The following CEP192 variants were observed in gnomAD, a reference collection of about 807,000 sequenced individuals.
The protein encoded by CEP192 is centrosomal protein 192.
CEP192 carries 151 observed loss-of-function variants against 271.8 expected under a neutral mutation model. The ratio of observed to expected loss-of-function variants is 0.56; its 90% CI spans 0.49 to 0.64. The LOEUF (loss-of-function observed/expected upper bound fraction) is 0.64. CEP192 is among the 30% of genes least tolerant of loss of function. The probability of loss-of-function intolerance (pLI) is 0.00; values close to 1 mark genes in which losing one functional copy is unlikely to be tolerated. For synonymous variants in CEP192, 995 were observed against 1,076.5 expected (o/e 0.92, Z 1.48); for missense variants, 2,910 against 3,020.5 (o/e 0.96, Z 0.86).
chr18:13,072,896 A>G (rs776086227), intron 29 of CEP192, 51 bp downstream of exon 29: 1 of 1,532,448 alleles, frequency 6.5e-7, no homozygotes, highest in East Asian at 2.3e-5. Flanking sequence ...GGTCTGGAAC[A>G]CTTGCATATG....
Position 13,089,439 on chromosome 18 carries a change from A to G in CEP192, c.5994-17A>G, listed in dbSNP as rs1330800141. ...TAACGTCACTTTTAAATAATAAAAA[A>G]AAATCTCTCCTGGCAGGGCCCTGTT... is the stretch of plus-strand genomic sequence containing the variant. On this transcript the variant is annotated splice_polypyrimidine_tract_variant and intron_variant, in intron 32 of 44. Coordinates refer to ENST00000506447, the MANE Select transcript of CEP192 (RefSeq NM_032142.4). 7.6e-7 allele frequency: 1 copy of G among 1,316,520 alleles called. No homozygotes were observed. Among genetic ancestry groups the G allele is most frequent in the Non-Finnish European group, 1.1e-6 (1 of 946,280 alleles). 81.6% of individuals were successfully genotyped at this position (1,316,520 alleles called of 1,614,324 possible).
intron 18 of CEP192, among the ~76,000 whole-genome samples, chr18:13,055,148 G>A (rs549170521): frequency 7.6e-4 from 115 of 151,986 alleles, no homozygotes; most frequent in African/African-American, 2.7e-3. Context: ...GCATGATAGC[G>A]GGTGCCTGTA....
chr18:13,030,089 T>C (rs2035531339), intron 10 of CEP192, 87 bp downstream of exon 10: 2 of 1,057,564 alleles, frequency 1.9e-6, no homozygotes, highest in South Asian at 3.4e-5. Flanking sequence ...AATGTGCCAG[T>C]CTTTCCTGTT....
chr18:13,027,979 C>T (rs1162362702), intron 9 of CEP192, among the ~76,000 whole-genome samples: 1 of 152,174 alleles, frequency 6.6e-6, no homozygotes, highest in Non-Finnish European at 1.5e-5. Context: ...TTACCACAGG[C>T]ATGCCTAAAA....
intron 15 of CEP192, 29 bp downstream of exon 15, chr18:13,042,363 A>G: frequency 1.2e-6 from 2 of 1,611,026 alleles, no homozygotes. Flanking sequence ...AAGGAAATCT[A>G]AGATTATCTT....
chr18:13,022,642 A>G (rs961715918), intron 9 of CEP192, among the ~76,000 whole-genome samples: 3 of 151,964 alleles, frequency 2.0e-5, no homozygotes, highest in African/African-American at 7.3e-5. Flanking sequence ...CTGCCTCCCA[A>G]AGTGCTGGGA....
At position 13,059,284 on chromosome 18, in the gene CEP192, C is replaced by G; in HGVS notation, c.4460C>G (p.Thr1487Ser). The G allele has an allele frequency of 6.2e-7, 1 of 1,613,952 alleles. No individual in the cohort carries two copies. The highest frequency in any genetic ancestry group is 8.5e-7 in the Non-Finnish European group (1 of 1,179,784). Residue 1487 changes from threonine (T) to serine (S), a missense_variant, in exon 21 of 45, where the codon ACT (threonine) becomes AGT (serine). Coordinates refer to ENST00000506447, the MANE Select transcript of CEP192 (RefSeq NM_032142.4). ...AEALASTVTL[T>S]AIAESPVIEV... is the part of the protein sequence containing the mutation. ...GCTTTGGCCAGCACCGTCACTCTCACTGCCATTGCCGAGAGTCCTGTTATT... is the reference window on the plus strand; with the variant it reads ...GCTTTGGCCAGCACCGTCACTCTCAGTGCCATTGCCGAGAGTCCTGTTATT...
intron 8 of CEP192, 31 bp from the exon 9 acceptor site, chr18:13,019,051 G>T: frequency 6.6e-7 from 1 of 1,505,846 alleles, no homozygotes. Context: ...ATTTGATGTG[G>T]CTCCTTTAAC....
chr18:12,993,016 A>G (rs1455843412), intron 1 of CEP192, among the ~76,000 whole-genome samples: 1 of 152,214 alleles, frequency 6.6e-6, no homozygotes, highest in Non-Finnish European at 1.5e-5. Context: ...TAACTTAGTA[A>G]TTACAAGGCT....
chr18:13,040,941 C>A lies in CEP192; in HGVS notation c.1921C>A (p.His641Asn). Reference protein sequence around the residue: ...NLEKEMAHLNHDLYSGDLNEQ... With the variant: ...NLEKEMAHLNNDLYSGDLNEQ... ...GGAAAAAGAAATGGCTCATCTTAAC[C>A]ATGATCTATATTCAGGTAATGGATT... is the stretch of plus-strand genomic sequence containing the variant. The change falls in exon 14 of 45, where the codon CAT (histidine) becomes AAT (asparagine). Residue 641 changes from histidine to asparagine, a missense_variant. By Grantham distance (68) the His-to-Asn change is moderately conservative. Coordinates refer to ENST00000506447, the MANE Select transcript of CEP192 (RefSeq NM_032142.4). The A allele has an allele frequency of 6.2e-7, 1 of 1,609,590 alleles. No homozygotes were observed. Among genetic ancestry groups the A allele is most frequent in the South Asian group, 1.1e-5 (1 of 89,936 alleles).
intron 42 of CEP192, among the ~76,000 whole-genome samples, chr18:13,114,985 A>C (rs900068671): frequency 2.6e-5 from 4 of 152,248 alleles, no homozygotes; most frequent in Non-Finnish European, 5.9e-5. Flanking sequence ...ATAATCCTTA[A>C]TTAACTAGTA....
intron 5 of CEP192, among the ~76,000 whole-genome samples, chr18:13,014,973 G>T (rs1004955717): frequency 2.6e-5 from 4 of 152,146 alleles, no homozygotes; most frequent in African/African-American, 4.8e-5. Context: ...GATACAGGCT[G>T]CCTGGTCTAG....
intron 3 of CEP192, 139 bp downstream of exon 3, chr18:13,001,721 G>A: frequency 1.0e-6 from 1 of 959,624 alleles, no homozygotes; most frequent in Non-Finnish European, 1.5e-6. Flanking sequence ...TTATTTTGAG[G>A]CGGAGTTTCA....
At chr18:13,107,882 C>CA (rs1455080292) in intron 40 of CEP192, among the ~76,000 whole-genome samples, 12 of 80,054 alleles carry the variant, frequency 1.5e-4, no homozygotes, top group African/African-American at 5.7e-4. Flanking sequence ...GATAGTATCT[C>CA]CAAAAAAAAA....
intron 17 of CEP192, among the ~76,000 whole-genome samples, chr18:13,050,130 A>G (rs974080030): frequency 6.6e-6 from 1 of 152,166 alleles, no homozygotes; most frequent in African/African-American, 2.4e-5. Context: ...TACAGACTGC[A>G]TAATGGATCT....
intron 3 of CEP192, 133 bp downstream of exon 3, chr18:13,001,715 T>TA: frequency 1.0e-6 from 1 of 996,442 alleles, no homozygotes; most frequent in East Asian, 2.9e-5. Context: ...TTTCTTTTAT[T>TA]TTGAGGCGGA....
At chr18:13,030,708 G>A (rs1413863787) in intron 11 of CEP192, 100 bp downstream of exon 11, 1 of 871,426 alleles carries the variant, frequency 1.1e-6, no homozygotes, top group African/African-American at 1.7e-5. Context: ...ATCCCTTCTG[G>A]ACTATCACTG....
At chr18:13,012,951 T>G in intron 4 of CEP192, 22 bp from the exon 5 acceptor site, 1 of 1,407,088 alleles carries the variant, frequency 7.1e-7, no homozygotes, top group East Asian at 2.5e-5. Context: ...GTCTCTCAGT[T>G]TGTTTTTGTT....
chr18:13,106,376 TACC>T (rs1568427876), intron 40 of CEP192, among the ~76,000 whole-genome samples: 2 of 150,516 alleles, frequency 1.3e-5, no homozygotes, highest in Non-Finnish European at 3.0e-5. Context: ...CCCACACAGC[TACC>T]ACCACCATCA....
Sources: allele counts gnomAD v4.1 joint callset (sites outside exome capture counted in the v4.1 genomes callset), GRCh38; gene constraint gnomAD v4.1.1; transcripts MANE v1.5; gene names NCBI Gene and HGNC (gene_info 2026-07-23, HGNC 2026-07-21).